CFAP52: variants seen among roughly 807,000 people sequenced by gnomAD.
CFAP52 encodes cilia and flagella associated protein 52.
A neutral mutation model predicts 70.5 loss-of-function variants in CFAP52; 57 were observed. That is an observed-to-expected ratio of 0.81 (90% CI 0.65 to 1.01). The LOEUF (loss-of-function observed/expected upper bound fraction) is 1.01, where lower values mean the gene tolerates loss of function less well. Ranked by LOEUF, CFAP52 falls within the 50% of genes least tolerant of loss-of-function variation. The pLI is 0.00. For missense variants in CFAP52, 785 were observed against 788.5 expected (o/e 1.00, Z 0.05); for synonymous variants, 267 against 292.5 (o/e 0.91, Z 0.89).
chr17:9,642,630 T>C (rs1911124467), intron 13 of CFAP52, among the ~76,000 whole-genome samples: 1 of 152,024 alleles, frequency 6.6e-6, no homozygotes, highest in Admixed American at 6.6e-5. Context: ...AATAAATAAA[T>C]AAGTAAAAAA....
At position 9,635,303 on chromosome 17, in the gene CFAP52, C is replaced by T. The variant is rs563061239; in HGVS notation, c.1321-102C>T. ...AGACAAAGACAGGGAATTAAAAAAA[C>T]ACAAATCAAGCATAGCAAAGGGGAA... On this transcript the variant is annotated intron_variant, in intron 10 of 13. Transcript: ENST00000352665. 197 of 1,508,480 alleles carry T rather than the reference C, an allele frequency of 1.3e-4. No individual in the cohort carries two copies. In the African/African-American group the frequency reaches 2.6e-3, roughly 20 times the overall value. The allele number at this position is 1,508,480 out of a possible 1,614,324, so 93.4% of individuals were successfully genotyped here.
chr17:9,589,049 C>T (rs574642594), intron 3 of CFAP52, among the ~76,000 whole-genome samples: 43 of 152,160 alleles, frequency 2.8e-4, no homozygotes, highest in Admixed American at 8.5e-4. Flanking sequence ...TTGCAGTGAG[C>T]GAAGATTGCA....
chr17:9,598,154 TC>T, intron 4 of CFAP52, 79 bp from the exon 5 acceptor site: 1 of 1,121,676 alleles, frequency 8.9e-7, no homozygotes, highest in Non-Finnish European at 1.3e-6. Context: ...TTAGATCTCT[TC>T]CCTTCAGTTT....
In CFAP52 at chr17:9,638,865, C is replaced by T. The variant is rs1420420011; in HGVS notation, c.1575+154C>T. ...ATGCCACTTTGGAAAGGCCATATCA[C>T]CTTCCAGTGTCTTCACTTCCCCACC... On this transcript the variant is annotated intron_variant, in intron 12 of 13. Coordinates refer to ENST00000352665, the MANE Select transcript of CFAP52 (RefSeq NM_145054.5). 1.7e-5 allele frequency: 11 copies of T among 660,026 alleles called. No individual in the cohort carries two copies. In the South Asian group the frequency reaches 1.9e-4, roughly 11 times the overall value. 40.9% of individuals were successfully genotyped at this position (660,026 alleles called of 1,614,324 possible).
chr17:9,594,728 A>T (rs1908920503), intron 4 of CFAP52, among the ~76,000 whole-genome samples: 1 of 152,196 alleles, frequency 6.6e-6, no homozygotes, highest in East Asian at 1.9e-4. Context: ...TCAAATGGTT[A>T]GACTGTTAGC....
intron 4 of CFAP52, among the ~76,000 whole-genome samples, chr17:9,596,770 C>CA (rs1241261537): frequency 2.0e-5 from 3 of 151,736 alleles, no homozygotes; most frequent in African/African-American, 7.3e-5. Flanking sequence ...GGCTGTAGTG[C>CA]AGTGGCACGA....
chr17:9,645,534 A>C, downstream of CFAP52: 2 of 1,064,896 alleles, frequency 1.9e-6, no homozygotes, highest in Non-Finnish European at 2.3e-6. The surrounding 1 kb of genome is among the most constrained non-coding windows in gnomAD (Gnocchi z 6.8). Context: ...GCCCGCAGGT[A>C]GCCGGCACCA....
intron 1 of CFAP52, among the ~76,000 whole-genome samples, chr17:9,578,923 G>T (rs972079065): frequency 6.6e-6 from 1 of 152,094 alleles, no homozygotes; most frequent in Admixed American, 6.6e-5. Flanking sequence ...TCAATCTTAT[G>T]ATCTCTATTT....
intron 1 of CFAP52, among the ~76,000 whole-genome samples, chr17:9,584,713 G>A (rs531489664): frequency 8.7e-5 from 13 of 149,778 alleles, no homozygotes; most frequent in Admixed American, 6.7e-5. Flanking sequence ...CCTCCGCCTC[G>A]TGGGTTCCAG....
rs183814932 is a variant in CFAP52, at chr17:9,637,040, G to A, written c.1472+1484G>A. On this transcript the variant is annotated intron_variant, in intron 11 of 13. Coordinates refer to ENST00000352665, the MANE Select transcript of CFAP52 (RefSeq NM_145054.5). ...AGCCTGGGCCACAGAGTGAGACTTC[G>A]TATCAAAAAAGCAAACAAACAAACA... is the stretch of plus-strand genomic sequence containing the variant. Among the ~76,000 whole-genome samples, 21 of 152,020 alleles carry A rather than the reference G, an allele frequency of 1.4e-4. No homozygotes were observed. The South Asian group carries it at 1.5e-3, about 11-fold the overall frequency.
intron 3 of CFAP52, among the ~76,000 whole-genome samples, chr17:9,591,915 C>T (rs1192544161): frequency 6.6e-6 from 1 of 152,022 alleles, no homozygotes; most frequent in African/African-American, 2.4e-5. Flanking sequence ...AAGCTATTTC[C>T]GGCCATGGCT....
intron 8 of CFAP52, among the ~76,000 whole-genome samples, chr17:9,615,795 C>CTTTTTT (rs1190663709): frequency 1.5e-5 from 1 of 67,398 alleles, no homozygotes; most frequent in African/African-American, 4.8e-5. Context: ...AAAAAAAATT[C>CTTTTTT]TTTTTTTTTT....
In CFAP52 at chr17:9,635,454, T is replaced by C; in HGVS notation, c.1370T>C (p.Leu457Pro). 6.2e-7 allele frequency: 1 copy of C among 1,614,166 alleles called. No individual in the cohort carries two copies. The highest frequency in any genetic ancestry group is 8.5e-7 in the Non-Finnish European group (1 of 1,180,038). ...GCQTQKLEEA[L>P]KEHKSSVSCI... is the part of the protein sequence containing the mutation. ...CAGACCCAGAAGCTGGAGGAGGCCC[T>C]GAAGGAACACAAGTCATCAGTGTCC... Residue 457 changes from leucine (L) to proline (P), a missense_variant, in exon 11 of 14, where the codon CTG (leucine) becomes CCG (proline). Physicochemically the swap from Leu to Pro is moderately conservative, Grantham distance 98. Coordinates refer to ENST00000352665, the MANE Select transcript of CFAP52 (RefSeq NM_145054.5).
At chr17:9,638,481 GTA>G in intron 11 of CFAP52, 126 bp from the exon 12 acceptor site, 3 of 751,178 alleles carry the variant, frequency 4.0e-6, no homozygotes, top group Non-Finnish European at 6.8e-6. Flanking sequence ...TTGCTGAGCA[GTA>G]TGAGATGTTT....
At chr17:9,593,716 A>G (rs573827488) in intron 3 of CFAP52, among the ~76,000 whole-genome samples, 1 of 152,104 alleles carries the variant, frequency 6.6e-6, no homozygotes, top group South Asian at 2.1e-4. Flanking sequence ...TCGGCCTCCC[A>G]AAGTGCTGGG....
intron 4 of CFAP52, among the ~76,000 whole-genome samples, chr17:9,594,856 T>A (rs1908925540): frequency 6.6e-6 from 1 of 151,374 alleles, no homozygotes; most frequent in African/African-American, 2.4e-5. Context: ...ACAGATTCAC[T>A]AATTAGAACC....
intron 7 of CFAP52, among the ~76,000 whole-genome samples, chr17:9,608,761 C>T (rs1909604625): frequency 1.3e-5 from 2 of 152,122 alleles, no homozygotes; most frequent in Non-Finnish European, 2.9e-5. Context: ...TATTTATTGC[C>T]ATAACAATGT....
At chr17:9,607,990 T>G (rs1016929494) in intron 6 of CFAP52, 129 bp from the exon 7 acceptor site, 1 of 633,674 alleles carries the variant, frequency 1.6e-6, no homozygotes, top group Non-Finnish European at 2.5e-6. Flanking sequence ...TTTTTTTCAT[T>G]AATATTTAAA....
At chr17:9,633,777 C>T (rs1045738955) in intron 10 of CFAP52, among the ~76,000 whole-genome samples, 1 of 150,910 alleles carries the variant, frequency 6.6e-6, no homozygotes, top group Non-Finnish European at 1.5e-5. Flanking sequence ...CCTGGGTTCA[C>T]GCCATTCGCC....
Sources: allele counts gnomAD v4.1 joint callset (sites outside exome capture counted in the v4.1 genomes callset), GRCh38; gene constraint gnomAD v4.1.1; non-coding constraint Gnocchi (gnomAD v3.1); transcripts MANE v1.5; gene names NCBI Gene and HGNC (gene_info 2026-07-23, HGNC 2026-07-21).